The following FSTL5 variants were observed in gnomAD, a reference collection of about 807,000 sequenced individuals.
The protein encoded by FSTL5 is follistatin like 5.
A neutral mutation model predicts 89.1 loss-of-function variants in FSTL5; 62 were observed. That is an observed-to-expected ratio of 0.70 (90% CI 0.57 to 0.86). The LOEUF is 0.86. Ranked by LOEUF, FSTL5 falls within the 40% of genes least tolerant of loss-of-function variation. The pLI is 0.00. For synonymous variants in FSTL5, 383 were observed against 346.2 expected (o/e 1.11, Z -1.18); for missense variants, 1,057 against 1,001.6 (o/e 1.06, Z -0.75).
chr4:161,424,128 C>T (rs774950263), intron 15 of FSTL5, among the ~76,000 whole-genome samples: 5 of 148,868 alleles, frequency 3.4e-5, no homozygotes, highest in Non-Finnish European at 5.9e-5. Flanking sequence ...CCGCCCGCCT[C>T]GGCCTCCCAA....
chr4:161,665,402 T>C (rs1402141109), intron 6 of FSTL5, among the ~76,000 whole-genome samples: 1 of 151,972 alleles, frequency 6.6e-6, no homozygotes, highest in Non-Finnish European at 1.5e-5. Context: ...CCTGGCTAAT[T>C]TTTTGTATTT....
At chr4:161,443,138 C>G (rs998881790) in intron 15 of FSTL5, among the ~76,000 whole-genome samples, 2 of 151,984 alleles carry the variant, frequency 1.3e-5, no homozygotes, top group Non-Finnish European at 2.9e-5. Flanking sequence ...AAGCAAGTCT[C>G]TTTCCAAAAG....
At chr4:161,894,464 C>T (rs1244415509) in intron 4 of FSTL5, among the ~76,000 whole-genome samples, 1 of 151,788 alleles carries the variant, frequency 6.6e-6, no homozygotes, top group Non-Finnish European at 1.5e-5. Flanking sequence ...ACAGATGTTT[C>T]TTTCTCTATA....
intron 4 of FSTL5, among the ~76,000 whole-genome samples, chr4:161,791,399 T>C (rs1729468726): frequency 1.4e-5 from 1 of 69,136 alleles, no homozygotes; most frequent in South Asian, 4.8e-4. Context: ...AAATTACAGA[T>C]TGAAACAAAA....
At chr4:161,443,458 A>T (rs1477153734) in intron 15 of FSTL5, among the ~76,000 whole-genome samples, 1 of 152,068 alleles carries the variant, frequency 6.6e-6, no homozygotes, top group Non-Finnish European at 1.5e-5. Flanking sequence ...TATGAGTTTA[A>T]GAAAAATCTT....
chr4:161,881,836 C>T (rs548812467), intron 4 of FSTL5, among the ~76,000 whole-genome samples: 72 of 152,210 alleles, frequency 4.7e-4, no homozygotes, highest in Middle Eastern at 3.4e-3. Context: ...ACAATTTGGG[C>T]CTTAAAAGAC....
At chr4:162,050,682 A>C (rs1413283994) in intron 2 of FSTL5, among the ~76,000 whole-genome samples, 1 of 151,298 alleles carries the variant, frequency 6.6e-6, no homozygotes, top group African/African-American at 2.4e-5. Context: ...GCATAAAAAC[A>C]AAAAAGAGAG....
At chr4:161,487,131 A>T (rs1397396554) in intron 12 of FSTL5, among the ~76,000 whole-genome samples, 1 of 152,184 alleles carries the variant, frequency 6.6e-6, no homozygotes, top group East Asian at 1.9e-4. Context: ...CATATATTAT[A>T]TTTCCAATTA....
intron 4 of FSTL5, among the ~76,000 whole-genome samples, chr4:161,874,999 C>T (rs1732396497): frequency 6.6e-6 from 1 of 152,098 alleles, no homozygotes; most frequent in African/African-American, 2.4e-5. Flanking sequence ...CTGCTTATTT[C>T]TACAACTTTT....
intron 6 of FSTL5, among the ~76,000 whole-genome samples, chr4:161,704,256 G>A (rs1738497324): frequency 6.6e-6 from 1 of 151,968 alleles, no homozygotes; most frequent in African/African-American, 2.4e-5. Flanking sequence ...CCTTTGTTTC[G>A]AGTTGTCCCG....
chr4:161,548,222 T>A (rs529125215), intron 8 of FSTL5, among the ~76,000 whole-genome samples: 1 of 152,014 alleles, frequency 6.6e-6, no homozygotes, highest in Non-Finnish European at 1.5e-5. Context: ...CTCACTTTTG[T>A]TCATTTAATT....
chr4:161,831,781 C>T (rs1025052862), intron 4 of FSTL5, among the ~76,000 whole-genome samples: 14 of 151,562 alleles, frequency 9.2e-5, no homozygotes, highest in African/African-American at 3.4e-4. Flanking sequence ...TTTGGAACAG[C>T]ATAATAATAT....
chr4:161,811,027 C>T (rs1232860227), intron 4 of FSTL5, among the ~76,000 whole-genome samples: 3 of 152,138 alleles, frequency 2.0e-5, no homozygotes, highest in African/African-American at 7.2e-5. Flanking sequence ...TCTGAGAGAT[C>T]CCTCTGCTCC....
chr4:161,788,437 A>G (rs1191465207), intron 4 of FSTL5, among the ~76,000 whole-genome samples: 1 of 152,158 alleles, frequency 6.6e-6, no homozygotes, highest in East Asian at 1.9e-4. Flanking sequence ...AGCCTCTGAT[A>G]GTTGTTCCAC....
chr4:161,415,846 ATATC>A (rs1560884199), intron 15 of FSTL5, among the ~76,000 whole-genome samples: 1 of 116,030 alleles, frequency 8.6e-6, no homozygotes, highest in African/African-American at 3.2e-5. Context: ...ATATATATAT[ATATC>A]ATTTCAAAGC....
chr4:161,972,892 TCAC>T (rs1456279852), intron 3 of FSTL5, among the ~76,000 whole-genome samples: 10 of 152,224 alleles, frequency 6.6e-5, no homozygotes, highest in Admixed American at 5.2e-4. Context: ...TCTAAAACAT[TCAC>T]CACAATTTAC....
At chr4:161,965,824 G>T (rs1156920001) in intron 3 of FSTL5, among the ~76,000 whole-genome samples, 1 of 152,002 alleles carries the variant, frequency 6.6e-6, no homozygotes, top group Non-Finnish European at 1.5e-5. Context: ...AAGTGTTTTA[G>T]AAATTCAACC....
At chr4:162,095,326 G>C (rs945057826) in intron 2 of FSTL5, among the ~76,000 whole-genome samples, 2 of 152,036 alleles carry the variant, frequency 1.3e-5, no homozygotes, top group African/African-American at 4.8e-5. Flanking sequence ...CCATTTAGTT[G>C]GGAAATTCTA....
intron 3 of FSTL5, among the ~76,000 whole-genome samples, chr4:161,938,114 A>G (rs1250104815): frequency 1.3e-5 from 2 of 152,076 alleles, no homozygotes; most frequent in African/African-American, 2.4e-5. Context: ...ATCAATATCA[A>G]TGTACTTTTG....
Sources: allele counts gnomAD v4.1 joint callset (sites outside exome capture counted in the v4.1 genomes callset), GRCh38; gene constraint gnomAD v4.1.1; transcripts MANE v1.5; gene names NCBI Gene and HGNC (gene_info 2026-07-23, HGNC 2026-07-21).